Variants in CASD1 observed in about 807,000 individuals in gnomAD.
CASD1 encodes N-acetylneuraminate (7)9-O-acetyltransferase.
Under a neutral mutation model 100.0 loss-of-function variants are expected in CASD1, and 41 were observed. The observed-to-expected ratio is 0.41, with a 90% CI of 0.32 to 0.53. The LOEUF (loss-of-function observed/expected upper bound fraction) is 0.53. Among genes scored for constraint, CASD1 ranks in the 20% least tolerant of loss-of-function variants. The pLI is 0.25. For missense variants in CASD1, 774 were observed against 948.7 expected (o/e 0.82, Z 2.42); for synonymous variants, 321 against 315.6 (o/e 1.02, Z -0.18).
the CASD1 span, among the ~76,000 whole-genome samples, chr7:94,566,582 A>G: frequency 1.3e-5 from 2 of 152,132 alleles, no homozygotes; most frequent in East Asian, 1.9e-4. Context: ...ATGATTCCAT[A>G]TAGTACTTTA....
chr7:94,544,349 TATG>T, intron 10 of CASD1, 59 bp from the exon 11 acceptor site: 1 of 1,582,786 alleles, frequency 6.3e-7, no homozygotes, highest in Non-Finnish European at 8.6e-7. Context: ...ATGTACTTGT[TATG>T]ATAATCCAAG....
the CASD1 span, chr7:94,629,636 T>G: frequency 4.4e-5 from 54 of 1,214,152 alleles, no homozygotes; most frequent in Non-Finnish European, 6.6e-5. Flanking sequence ...GTTAATGATA[T>G]TTTATCATAT....
the CASD1 span, chr7:94,628,161 C>G: frequency 6.0e-6 from 9 of 1,488,784 alleles, no homozygotes; most frequent in East Asian, 2.0e-4. Flanking sequence ...CACACACACA[C>G]ACATATATGT....
At chr7:94,555,423 A>G in intron 17 of CASD1, 69 bp from the exon 18 acceptor site, 1 of 1,464,888 alleles carries the variant, frequency 6.8e-7, no homozygotes. Flanking sequence ...AAATTGTTTA[A>G]ATTAGGGAAA....
At chr7:94,539,618 G>A (rs942627253) in intron 10 of CASD1, among the ~76,000 whole-genome samples, 6 of 141,728 alleles carry the variant, frequency 4.2e-5, no homozygotes, top group East Asian at 2.1e-4. Flanking sequence ...GCAATGAGCC[G>A]ATATTTCACC....
chr7:94,583,310 T>C, the CASD1 span, among the ~76,000 whole-genome samples: 1 of 152,210 alleles, frequency 6.6e-6, no homozygotes, highest in Admixed American at 6.5e-5. Context: ...TTGGCACTTC[T>C]GTCTAAAGAT....
At chr7:94,618,739 G>A in the CASD1 span, 20 of 1,591,744 alleles carry the variant, frequency 1.3e-5, no homozygotes, top group South Asian at 1.8e-4. Flanking sequence ...TTAAGGCAAT[G>A]AGATAAAGAT....
At chr7:94,629,200 A>G in the CASD1 span, 1 of 152,970 alleles carries the variant, frequency 6.5e-6, no homozygotes, top group Non-Finnish European at 1.5e-5. Context: ...AAAATAACAT[A>G]TTTAAACCAA....
intron 1 of CASD1, among the ~76,000 whole-genome samples, chr7:94,510,935 A>C (rs1008510298): frequency 6.6e-6 from 1 of 152,258 alleles, no homozygotes; most frequent in Non-Finnish European, 1.5e-5. Context: ...ACAGGCGTAA[A>C]GGTGGGCAGT....
At chr7:94,565,334 A>G in the CASD1 span, among the ~76,000 whole-genome samples, 2 of 152,140 alleles carry the variant, frequency 1.3e-5, no homozygotes, top group East Asian at 3.9e-4. Context: ...TTGGCTGAGC[A>G]TTTAAACACC....
the CASD1 span, among the ~76,000 whole-genome samples, chr7:94,573,555 A>G: frequency 1.3e-5 from 2 of 152,204 alleles, no homozygotes; most frequent in African/African-American, 4.8e-5. Context: ...TAGAAATGCT[A>G]GTGATTTTTG....
chr7:94,579,668 T>G, the CASD1 span, among the ~76,000 whole-genome samples: 1 of 152,186 alleles, frequency 6.6e-6, no homozygotes, highest in African/African-American at 2.4e-5. Flanking sequence ...GCAACACACT[T>G]TAGCTGCTGC....
At chr7:94,531,031 A>C (rs1023441765) in intron 5 of CASD1, among the ~76,000 whole-genome samples, 1 of 152,184 alleles carries the variant, frequency 6.6e-6, no homozygotes. Context: ...GTGAAGCCCA[A>C]ATTCAAAACT....
chr7:94,537,546 G>A lies in CASD1; in HGVS notation c.918G>A (p.Arg306=). 1 of 1,613,808 alleles carries A rather than the reference G, an allele frequency of 6.2e-7. No individual in the cohort carries two copies. The highest frequency in any genetic ancestry group is 8.5e-7 in the Non-Finnish European group (1 of 1,179,856). The part of the protein sequence containing the change: ...KPVDGSCCQP[R]PPVTLIQKLA... ...TAGATGGGTCCTGTTGTCAACCTCG[G>A]CCTCCTGTTACTCTCATACAGAAGC... is the stretch of plus-strand genomic sequence containing the variant. Residue 306 remains arginine (R), a synonymous_variant, in exon 9 of 18, where the codon CGG becomes CGA. Transcript: ENST00000297273.
At chr7:94,588,759 A>G in the CASD1 span, 1 of 1,613,442 alleles carries the variant, frequency 6.2e-7, no homozygotes, top group Non-Finnish European at 8.5e-7. Flanking sequence ...TTTTTGAGTA[A>G]AACTGTTTGT....
rs1257784552 is a variant in CASD1, at chr7:94,533,235, G to A, written c.490G>A (p.Ala164Thr). The A allele has an allele frequency of 6.2e-7, 1 of 1,609,826 alleles. No homozygotes were observed. Among genetic ancestry groups the A allele is most frequent in the Non-Finnish European group, 8.5e-7 (1 of 1,177,238 alleles). ...CATTGCAAAGCCACATGTGATTGTA[G>A]CAGGAGCTGCCACAGTAAGTTATCA... ...DSIAKPHVIV[A>T]GAATWSIKIH... Residue 164 changes from alanine (A) to threonine (T), a missense_variant, in exon 6 of 18, where the codon GCA becomes ACA. Coordinates refer to ENST00000297273, the MANE Select transcript of CASD1 (RefSeq NM_022900.5).
chr7:94,557,803 AT>A (rs1335792495), downstream of CASD1, among the ~76,000 whole-genome samples: 4 of 151,994 alleles, frequency 2.6e-5, no homozygotes, highest in East Asian at 1.9e-4. Flanking sequence ...AGTTAAAAAT[AT>A]TTTTTATATT....
downstream of CASD1, among the ~76,000 whole-genome samples, chr7:94,559,587 G>A (rs575794325): frequency 9.2e-5 from 14 of 152,134 alleles, no homozygotes; most frequent in South Asian, 1.2e-3. Context: ...GTGCAATGGC[G>A]CAATCTCGGC....
At chr7:94,628,363 G>A in the CASD1 span, 11 of 1,603,008 alleles carry the variant, frequency 6.9e-6, no homozygotes, top group South Asian at 3.3e-5. Flanking sequence ...ATCTCGCCTA[G>A]ATAAGAAACA....
Sources: gnomAD v4.1 joint callset for allele counts (sites outside exome capture counted in the v4.1 genomes callset) on GRCh38, gnomAD v4.1.1 for gene constraint, MANE v1.5 for transcripts, NCBI Gene and HGNC (gene_info 2026-07-23, HGNC 2026-07-21) for gene names.